The following SPTB variants were observed in gnomAD, a reference collection of about 807,000 sequenced individuals.
SPTB encodes spectrin beta chain, erythrocytic.
A neutral mutation model predicts 256.2 loss-of-function variants in SPTB; 45 were observed. The ratio of observed to expected loss-of-function variants is 0.18; its 90% CI spans 0.14 to 0.23. The LOEUF (loss-of-function observed/expected upper bound fraction) is 0.23, where lower values mean the gene tolerates loss of function less well. Ranked by LOEUF, SPTB falls within the 10% of genes least tolerant of loss-of-function variation. SPTB has a pLI of 1.00. For missense variants in SPTB, 2,715 were observed against 3,040.4 expected (o/e 0.89, Z 2.52); for synonymous variants, 1,231 against 1,243.1 (o/e 0.99, Z 0.21).
intron 32 of SPTB, among the ~76,000 whole-genome samples, chr14:64,765,595 T>G (rs2082157910): frequency 6.6e-6 from 1 of 152,208 alleles, no homozygotes; most frequent in Non-Finnish European, 1.5e-5. Flanking sequence ...GGGATTCTCC[T>G]CAATTTTGCA....
At chr14:64,843,517 T>C (rs2083640620) in intron 1 of SPTB, among the ~76,000 whole-genome samples, 2 of 152,226 alleles carry the variant, frequency 1.3e-5, no homozygotes, top group Non-Finnish European at 2.9e-5. Context: ...CCTTACTCTC[T>C]CATTTTCACT....
intron 32 of SPTB, among the ~76,000 whole-genome samples, chr14:64,765,892 CAT>C (rs1491119726): frequency 2.4e-5 from 3 of 127,330 alleles, no homozygotes; most frequent in Non-Finnish European, 3.3e-5. Context: ...GCGGTGTGTG[CAT>C]GTGTGTGTGT....
rs1191774511 is a variant in SPTB, at chr14:64,778,978, CA to C, written c.4563+178del. On this transcript the variant is annotated intron_variant, in intron 22 of 35. Transcript: ENST00000644917. This position sits in a 1 kb window ranked among gnomAD's most constrained non-coding sequence, Gnocchi z 5.2. Reference sequence around the variant, plus strand: ...CCTCCCAGAATTTGCTCTGTAATCACAAAAACCTGCTCTTTCTGCTATAAGA... The same window carrying C: ...CCTCCCAGAATTTGCTCTGTAATCACAAAACCTGCTCTTTCTGCTATAAGA... 6.6e-6 allele frequency among the ~76,000 whole-genome samples: 1 copy of C among 152,148 alleles called. No homozygotes were observed. The highest frequency in any genetic ancestry group is 1.5e-5 in the Non-Finnish European group (1 of 68,028).
At chr14:64,766,360 A>G (rs2139474608) in intron 32 of SPTB, 1 of 1,255,348 alleles carries the variant, frequency 8.0e-7, no homozygotes, top group East Asian at 3.9e-5. Flanking sequence ...GAAAATGGGG[A>G]AAAGGACGGT....
intron 2 of SPTB, among the ~76,000 whole-genome samples, chr14:64,820,542 T>G (rs1002150213): frequency 6.6e-6 from 1 of 152,268 alleles, no homozygotes; most frequent in African/African-American, 2.4e-5. Context: ...AGGCATACAA[T>G]TCTATGCTCT....
At position 64,821,872 on chromosome 14, in the gene SPTB, C is replaced by T. The variant is rs186132640; in HGVS notation, c.148+1075G>A. ...TCCCAAGATGTGAGGTCATTATGGT[C>T]CCAGAGGGGTCCAGGGCCCTGCTCA... is the stretch of plus-strand genomic sequence containing the variant. On this transcript the variant is annotated intron_variant, in intron 2 of 35. Transcript: ENST00000644917. 2.1e-3 allele frequency among the ~76,000 whole-genome samples: 318 copies of T among 152,226 alleles called. 1 individual carries two copies. Among genetic ancestry groups the T allele is most frequent in the South Asian group, 4.6e-3 (22 of 4,826 alleles).
At position 64,826,593 on chromosome 14, in the gene SPTB, C is replaced by T. The variant is rs925951936; in HGVS notation, c.-51-3448G>A. 6.6e-6 allele frequency among the ~76,000 whole-genome samples: 1 copy of T among 152,156 alleles called. No homozygotes were observed. Among genetic ancestry groups the T allele is most frequent in the Non-Finnish European group, 1.5e-5 (1 of 68,016 alleles). Reference sequence around the variant, plus strand: ...TAGATCTTAAATTGCACTTCAGGCCCATCAGTAAACCCAGGAAAAAAGGCA... The same window carrying T: ...TAGATCTTAAATTGCACTTCAGGCCTATCAGTAAACCCAGGAAAAAAGGCA... On this transcript the variant is annotated intron_variant, in intron 1 of 35. Transcript: ENST00000644917. This position sits in a 1 kb window ranked among gnomAD's most constrained non-coding sequence, Gnocchi z 4.4.
chr14:64,747,903 A>G lies in SPTB; in HGVS notation c.*1403T>C, dbSNP rs1678251025. 6.7e-6 allele frequency: 1 copy of G among 149,796 alleles called. No individual in the cohort carries two copies. The highest frequency in any genetic ancestry group is 1.5e-5 in the Non-Finnish European group (1 of 67,800). The allele number at this position is 149,796 out of a possible 1,614,324, so 9.3% of individuals were successfully genotyped here. A position where few individuals can be genotyped will look rare whatever the true frequency, so the allele number is the denominator to read the frequency against. ...GCTTTCGGAGTAGAGTGGTGGGGAAAATATGGAATGAGCTTTCTCTTCCTC... is the reference window on the plus strand; with the variant it reads ...GCTTTCGGAGTAGAGTGGTGGGGAAGATATGGAATGAGCTTTCTCTTCCTC... On this transcript the variant is annotated 3_prime_UTR_variant, in exon 36 of 36. Transcript: ENST00000644917.
intron 8 of SPTB, among the ~76,000 whole-genome samples, 191 bp from the exon 9 acceptor site, chr14:64,800,125 A>C (rs2082853318): frequency 6.6e-6 from 1 of 152,210 alleles, no homozygotes; most frequent in Non-Finnish European, 1.5e-5. Context: ...GAATTGGGTG[A>C]GGCCCTCCTC....
At chr14:64,863,781 GAGAAT>G (rs1881995929) in intron 1 of SPTB, among the ~76,000 whole-genome samples, 1 of 152,350 alleles carries the variant, frequency 6.6e-6, no homozygotes, top group African/African-American at 2.4e-5. Context: ...TTCAGACAGT[GAGAAT>G]AGCATCGGCT....
At chr14:64,812,070 A>G (rs1419852554) in intron 2 of SPTB, among the ~76,000 whole-genome samples, 1 of 152,198 alleles carries the variant, frequency 6.6e-6, no homozygotes, top group East Asian at 1.9e-4. Flanking sequence ...ATTAAAAAAA[A>G]TTTGAGTAGC....
rs143788164 is a variant in SPTB, at chr14:64,789,932, G to C, written c.2804+1787C>G. On this transcript the variant is annotated intron_variant, in intron 15 of 35. Coordinates refer to ENST00000644917, the MANE Select transcript of SPTB (RefSeq NM_001355436.2). The stretch of plus-strand genomic sequence containing the variant: ...ACCGCAGAGGCATGAGGCGACACTG[G>C]GGGTGGAGGTATAGAATGAGCATTG... Among the ~76,000 whole-genome samples, 19 of 152,308 alleles carry C rather than the reference G, an allele frequency of 1.2e-4. 1 individual carries two copies. The East Asian group carries it at 3.1e-3, about 25-fold the overall frequency.
At chr14:64,833,517 A>T (rs2083478756) in intron 1 of SPTB, among the ~76,000 whole-genome samples, 1 of 150,726 alleles carries the variant, frequency 6.6e-6, no homozygotes, top group Non-Finnish European at 1.5e-5. Flanking sequence ...GGGCCTTTGT[A>T]CCCAGCCTGG....
Position 64,774,526 on chromosome 14 carries a change from T to C in SPTB, c.4844A>G (p.Asp1615Gly). The C allele has an allele frequency of 6.4e-7, 1 of 1,553,218 alleles. No individual in the cohort carries two copies. Among genetic ancestry groups the C allele is most frequent in the Non-Finnish European group, 8.7e-7 (1 of 1,148,020 alleles). The change falls in exon 24 of 36, where the codon GAT (aspartate) becomes GGT (glycine). Residue 1615 changes from aspartate to glycine, a missense_variant and splice_region_variant. By Grantham distance (94) the Asp-to-Gly change is moderately conservative. Transcript: ENST00000644917. ...CAGCATCACAATGGCGCCCTCTTCA[T>C]CCTAGGAGGCAGCAGACGGTCAGCG... ...LYVISDEIPK[D>G]EEGAIVMLKR...
chr14:64,809,883 T>C (rs2038433), intron 2 of SPTB, among the ~76,000 whole-genome samples: 55,715 of 152,010 alleles, frequency 0.37, 10,371 homozygotes, highest in South Asian at 0.48. Flanking sequence ...TGGAAAGGCA[T>C]GCTGAGGTCT....
In SPTB at chr14:64,753,803, G is replaced by A; in HGVS notation, c.6346-10C>T. On this transcript the variant is annotated splice_polypyrimidine_tract_variant and intron_variant, in intron 32 of 35. Coordinates refer to ENST00000644917, the MANE Select transcript of SPTB (RefSeq NM_001355436.2). ...TTCCCTCTTCTTCCCCCTGCTCAGGGCATAGGGAGGAGCACACCTTTCTGG... is the reference window on the plus strand; with the variant it reads ...TTCCCTCTTCTTCCCCCTGCTCAGGACATAGGGAGGAGCACACCTTTCTGG... 3 of 1,611,918 alleles carry A rather than the reference G, an allele frequency of 1.9e-6. No individual in the cohort carries two copies. The highest frequency in any genetic ancestry group is 2.5e-6 in the Non-Finnish European group (3 of 1,180,006).
At position 64,773,360 on chromosome 14, in the gene SPTB, C is replaced by T. The variant is rs868011757; in HGVS notation, c.5038G>A (p.Glu1680Lys). ...TTCTCCAGCTTGCGCTTGCGCTCTT[C>T]CGCCACGTCCTTCAGCCCTGCGTAG... is the stretch of plus-strand genomic sequence containing the variant. Reference protein sequence around the residue: ...KHYAGLKDVAEERKRKLENMY... With the variant: ...KHYAGLKDVAKERKRKLENMY... The change falls in exon 25 of 36, where the codon GAA becomes AAA. Residue 1680 changes from glutamate to lysine, a missense_variant. Physicochemically the swap from Glu to Lys is moderately conservative, Grantham distance 56. This residue lies in a region of SPTB where 2,239 missense variants were observed against 2,384.4 expected (regional missense o/e 0.94). Transcript: ENST00000644917. The T allele has an allele frequency of 1.2e-6, 2 of 1,614,098 alleles. No individual in the cohort carries two copies. The highest frequency in any genetic ancestry group is 1.7e-6 in the Non-Finnish European group (2 of 1,180,046).
intron 1 of SPTB, among the ~76,000 whole-genome samples, chr14:64,867,934 G>C (rs1882290995): frequency 1.3e-5 from 2 of 150,996 alleles, no homozygotes; most frequent in Non-Finnish European, 2.9e-5. Flanking sequence ...CATAGAAAAA[G>C]TGGCAGCAAA....
chr14:64,801,294 C>T lies in SPTB; in HGVS notation c.754G>A (p.Asp252Asn), dbSNP rs2139628140. The change falls in exon 7 of 36, where the codon GAC becomes AAC. Residue 252 changes from aspartate to asparagine, a missense_variant. Physicochemically the swap from Asp to Asn is conservative, Grantham distance 23 (BLOSUM62 1). Transcript: ENST00000644917. ...GGTGGGTGTGGCTCACCTTCGGGGT[C>T]GAGGAGCGGGATGATGCCCAGCTGG... Reference protein sequence around the residue: ...ERQLGIIPLLDPEDVFTENPD... With the variant: ...ERQLGIIPLLNPEDVFTENPD... 6.2e-7 allele frequency: 1 copy of T among 1,613,664 alleles called. No individual in the cohort carries two copies. Among genetic ancestry groups the T allele is most frequent in the Non-Finnish European group, 8.5e-7 (1 of 1,179,716 alleles).
Sources: allele counts gnomAD v4.1 joint callset (sites outside exome capture counted in the v4.1 genomes callset), GRCh38; gene constraint gnomAD v4.1.1; regional missense constraint gnomAD v4.1.1; non-coding constraint Gnocchi (gnomAD v3.1); transcripts MANE v1.5; gene names NCBI Gene and HGNC (gene_info 2026-07-23, HGNC 2026-07-21).